Variants in BAZ2A observed in about 807,000 individuals in gnomAD.
BAZ2A encodes bromodomain adjacent to zinc finger domain protein 2A.
A neutral mutation model predicts 199.9 loss-of-function variants in BAZ2A; 34 were observed. The ratio of observed to expected loss-of-function variants is 0.17; its 90% CI spans 0.13 to 0.23. The LOEUF (loss-of-function observed/expected upper bound fraction) is 0.23, where lower values mean the gene tolerates loss of function less well. Among genes scored for constraint, BAZ2A ranks in the 10% least tolerant of loss-of-function variants. The pLI, the probability that BAZ2A is intolerant of heterozygous loss-of-function variation, is 1.00. For missense variants in BAZ2A, 2,002 were observed against 2,391.1 expected (o/e 0.84, Z 3.39); for synonymous variants, 857 against 883.9 (o/e 0.97, Z 0.54).
rs763288135 is a variant in BAZ2A at position 56,609,909 on chromosome 12, G to A, written c.1919C>T (p.Pro640Leu). The A allele has an allele frequency of 3.1e-6, 5 of 1,612,746 alleles. No individual in the cohort carries two copies. The highest frequency in any genetic ancestry group is 2.5e-6 in the Non-Finnish European group (3 of 1,179,738). ...QWVQLSAEEI[P>L]SRIQAITGKR... The stretch of plus-strand genomic sequence containing the variant: ...GCCAGTAATTGCCTGAATCCTCGAC[G>A]GGATCTCCTCTGCTGAGAGCTGCAC... The change falls in exon 10 of 29, where the codon CCG becomes CTG. Residue 640 changes from proline (P) to leucine (L), a missense_variant. Coordinates refer to ENST00000549884, the MANE Select transcript of BAZ2A (RefSeq NM_001300905.2).
intron 1 of BAZ2A, chr12:56,636,067 G>A: frequency 2.3e-6 from 3 of 1,310,732 alleles, no homozygotes; most frequent in Non-Finnish European, 2.1e-6. Context: ...CCAGAGTCCT[G>A]TTTCCTCTCC....
chr12:56,606,124 G>C, intron 12 of BAZ2A, 61 bp from the exon 13 acceptor site: 1 of 1,554,106 alleles, frequency 6.4e-7, no homozygotes, highest in Non-Finnish European at 8.7e-7. Context: ...TCCTTCCCTG[G>C]TCCCAGTCCT....
chr12:56,623,786 G>A (rs1950998610), intron 1 of BAZ2A, among the ~76,000 whole-genome samples: 1 of 152,098 alleles, frequency 6.6e-6, no homozygotes, highest in Admixed American at 6.5e-5. Flanking sequence ...TCTGGCCCAC[G>A]TTATCAATAG....
intron 7 of BAZ2A, 59 bp downstream of exon 7, chr12:56,611,514 T>C (rs1950556604): frequency 6.5e-7 from 1 of 1,531,128 alleles, no homozygotes; most frequent in South Asian, 1.1e-5. Context: ...TTCCCTTCTT[T>C]CTAGAGTTGT....
intron 19 of BAZ2A, 111 bp downstream of exon 19, chr12:56,602,602 A>G (rs916141250): frequency 1.4e-6 from 2 of 1,395,858 alleles, no homozygotes; most frequent in Admixed American, 2.5e-5. Context: ...GCTCTTAACC[A>G]TTACGCTATA....
chr12:56,606,542 AG>A, intron 11 of BAZ2A, 90 bp downstream of exon 11: 1 of 1,330,826 alleles, frequency 7.5e-7, no homozygotes, highest in Non-Finnish European at 1.1e-6. Context: ...GCTGCTACAC[AG>A]GGAGTGACGG....
At chr12:56,607,173 G>A (rs1950388133) in intron 10 of BAZ2A, among the ~76,000 whole-genome samples, 1 of 152,142 alleles carries the variant, frequency 6.6e-6, no homozygotes, top group Admixed American at 6.5e-5. Flanking sequence ...TAGAAGCACT[G>A]ATTAACCAAG....
In BAZ2A at chr12:56,617,492, G is replaced by C. The variant is rs751054736; in HGVS notation, c.39C>G (p.Pro13=). Residue 13 remains proline, a synonymous_variant, in exon 2 of 29, where the codon CCC becomes CCG. Transcript: ENST00000549884. ...ANDHFNFTGL[P]PAPAASGLKP... is the part of the protein sequence containing the mutation. ...TCAGTCCTGAGGCAGCAGGTGCAGG[G>C]GGAAGGCCAGTAAAGTTAAAATGGT... 1.1e-5 allele frequency: 18 copies of C among 1,609,512 alleles called. No individual in the cohort carries two copies. The highest frequency in any genetic ancestry group is 8.4e-5 in the Admixed American group (5 of 59,422).
upstream of BAZ2A, among the ~76,000 whole-genome samples, chr12:56,637,770 C>CAAAA (rs537402652): frequency 1.1e-4 from 13 of 123,214 alleles, no homozygotes; most frequent in African/African-American, 2.4e-4. Flanking sequence ...GAATAGAGGC[C>CAAAA]AAAAAAAAAA....
At chr12:56,615,750 G>A (rs1950696815) in intron 2 of BAZ2A, 143 bp from the exon 3 acceptor site, 1 of 735,868 alleles carries the variant, frequency 1.4e-6, no homozygotes, top group East Asian at 2.7e-5. Flanking sequence ...TAGTTTTTGG[G>A]TCTCTGGAGA....
At chr12:56,603,122 AAC>A (rs751282771) in intron 18 of BAZ2A, among the ~76,000 whole-genome samples, 96 of 152,286 alleles carry the variant, frequency 6.3e-4, no homozygotes, top group Admixed American at 1.4e-3. Flanking sequence ...TCTCTACAAA[AAC>A]ACAAAAATTA....
Position 56,600,054 on chromosome 12 carries a change from G to T in BAZ2A, c.4935C>A (p.Thr1645=). 1 of 1,614,038 alleles carries T rather than the reference G, an allele frequency of 6.2e-7. No individual in the cohort carries two copies. Among genetic ancestry groups the T allele is most frequent in the Non-Finnish European group, 8.5e-7 (1 of 1,179,898 alleles). The change falls in exon 25 of 29, where the codon ACC becomes ACA. Residue 1645 remains threonine (T), a synonymous_variant. Transcript: ENST00000549884. ...GGGCTGCGCTCCGGCACCGCTCGAG[G>T]GTCTGGCGCCAGACACGAATGCGAG... ...ITPRIRVWRQ[T]LERCRSAAQV...
intron 1 of BAZ2A, 138 bp downstream of exon 1, chr12:56,629,987 T>C (rs893484468): frequency 6.3e-6 from 4 of 630,252 alleles, no homozygotes; most frequent in Non-Finnish European, 7.9e-6. Flanking sequence ...GGTTGGATCC[T>C]CGCAGGAAAT....
upstream of BAZ2A, among the ~76,000 whole-genome samples, chr12:56,633,725 A>G (rs1327272109): frequency 1.4e-5 from 2 of 146,784 alleles, no homozygotes; most frequent in African/African-American, 2.5e-5. Flanking sequence ...TTCTTCCCCC[A>G]CTTTTGTTTG....
chr12:56,604,545 G>A, intron 15 of BAZ2A, 40 bp downstream of exon 15: 1 of 1,528,474 alleles, frequency 6.5e-7, no homozygotes, highest in African/African-American at 1.4e-5. Flanking sequence ...CCATTCTGAT[G>A]CAAGGGATAC....
rs1951264321 is a variant in BAZ2A, at chr12:56,630,235, G to C, written c.-113C>G. 4 of 984,040 alleles carry C rather than the reference G, an allele frequency of 4.1e-6. No homozygotes were observed. Among genetic ancestry groups the C allele is most frequent in the Non-Finnish European group, 2.4e-6 (2 of 828,748 alleles). 61.0% of individuals were successfully genotyped at this position (984,040 alleles called of 1,614,324 possible). On this transcript the variant is annotated 5_prime_UTR_variant, in exon 1 of 29. Coordinates refer to ENST00000549884, the MANE Select transcript of BAZ2A (RefSeq NM_001300905.2). The stretch of plus-strand genomic sequence containing the variant: ...ACGGGTGGAGACGCCCGCTGGGGAG[G>C]GGGTCTGGGGTCCGGGGTTCGGGAA...
Position 56,599,723 on chromosome 12 carries a change from G to A in BAZ2A, c.5151C>T (p.Phe1717=). 2 of 1,613,884 alleles carry A rather than the reference G, an allele frequency of 1.2e-6. No homozygotes were observed. Among genetic ancestry groups the A allele is most frequent in the Non-Finnish European group, 1.7e-6 (2 of 1,179,888 alleles). The part of the protein sequence containing the change: ...KMEAVPEGDW[F]CTVCLAQQVE... ...TTACCTGAGCCAAACAGACAGTACA[G>A]AACCAATCTCCTTCTGGGACAGCCT... The change falls in exon 26 of 29, where the codon TTC becomes TTT. Residue 1717 remains phenylalanine (F), a synonymous_variant. Coordinates refer to ENST00000549884, the MANE Select transcript of BAZ2A (RefSeq NM_001300905.2).
rs777377451 is a variant in BAZ2A at position 56,603,645 on chromosome 12, G to C, written c.3094C>G (p.Pro1032Ala). ...TGRSEVEMEG[P>A]EECLGRRRSS... The stretch of plus-strand genomic sequence containing the variant: ...CGCCTCCGTCCCAGGCATTCCTCTG[G>C]CCCTTCCATCTCTACTTCAGACCGC... The change falls in exon 17 of 29, where the codon CCA (proline) becomes GCA (alanine). Residue 1032 changes from proline to alanine, a missense_variant. Physicochemically the swap from Pro to Ala is conservative, Grantham distance 27. Transcript: ENST00000549884. 5 of 1,613,932 alleles carry C rather than the reference G, an allele frequency of 3.1e-6. No homozygotes were observed. Among genetic ancestry groups the C allele is most frequent in the Non-Finnish European group, 4.2e-6 (5 of 1,179,876 alleles).
chr12:56,599,520 T>C (rs1436267302), intron 26 of BAZ2A, among the ~76,000 whole-genome samples, 162 bp from the exon 27 acceptor site: 1 of 152,162 alleles, frequency 6.6e-6, no homozygotes, highest in Non-Finnish European at 1.5e-5. Flanking sequence ...AGGGAAGGTA[T>C]AGTTATTCTC....
Sources: allele counts gnomAD v4.1 joint callset (sites outside exome capture counted in the v4.1 genomes callset), GRCh38; gene constraint gnomAD v4.1.1; transcripts MANE v1.5; gene names NCBI Gene and HGNC (gene_info 2026-07-23, HGNC 2026-07-21).